Variants in ADGRL3 observed in about 807,000 individuals in gnomAD.
ADGRL3 encodes the protein adhesion G protein-coupled receptor L3, also known as calcium-independent alpha-latrotoxin receptor 3.
Under a neutral mutation model 153.5 loss-of-function variants are expected in ADGRL3, and 62 were observed. The ratio of observed to expected loss-of-function variants is 0.40; its 90% CI spans 0.33 to 0.50. The LOEUF (loss-of-function observed/expected upper bound fraction) is 0.50. ADGRL3 is among the 20% of genes least tolerant of loss of function. The pLI is 0.47. For synonymous variants in ADGRL3, 710 were observed against 672.5 expected (o/e 1.06, Z -0.86); for missense variants, 1,641 against 1,859.4 (o/e 0.88, Z 2.16).
chr4:61,205,416 G>T (rs900808776), intron 1 of ADGRL3, among the ~76,000 whole-genome samples: 1 of 152,084 alleles, frequency 6.6e-6, no homozygotes, highest in African/African-American at 2.4e-5. Context: ...AGAGTAGTTG[G>T]AATTTAAAAA....
intron 1 of ADGRL3, among the ~76,000 whole-genome samples, chr4:61,376,631 A>G (rs2096606203): frequency 1.3e-5 from 2 of 152,082 alleles, no homozygotes; most frequent in Admixed American, 6.6e-5. Flanking sequence ...CGTTTTCTAG[A>G]TGTCTGTTCA....
chr4:61,706,207 G>A (rs960551046), intron 6 of ADGRL3, among the ~76,000 whole-genome samples: 14 of 151,984 alleles, frequency 9.2e-5, no homozygotes, highest in South Asian at 4.2e-4. Flanking sequence ...GGATCACAAG[G>A]TCAGGAGTTC....
intron 2 of ADGRL3, among the ~76,000 whole-genome samples, chr4:61,486,222 G>C (rs939027200): frequency 1.3e-5 from 2 of 152,100 alleles, no homozygotes; most frequent in African/African-American, 4.8e-5. Flanking sequence ...GGGATTACAG[G>C]TGTGAGCCAC....
intron 1 of ADGRL3, among the ~76,000 whole-genome samples, chr4:61,277,979 G>A (rs1173082611): frequency 1.3e-5 from 2 of 152,138 alleles, no homozygotes. Flanking sequence ...TATACCTGCT[G>A]GGTAAACTCT....
intron 25 of ADGRL3, among the ~76,000 whole-genome samples, chr4:62,066,832 C>A (rs994957616): frequency 2.0e-5 from 3 of 152,060 alleles, no homozygotes; most frequent in Non-Finnish European, 4.4e-5. Context: ...GAGATTGCAG[C>A]AGACAGAATT....
At chr4:61,331,303 G>A (rs138658912) in intron 1 of ADGRL3, among the ~76,000 whole-genome samples, 175 of 152,218 alleles carry the variant, frequency 1.1e-3, no homozygotes, top group African/African-American at 3.5e-3. Flanking sequence ...GGTTATGTAG[G>A]AGATACGTCC....
intron 2 of ADGRL3, among the ~76,000 whole-genome samples, chr4:61,468,231 CTCTTAA>C (rs2097907529): frequency 6.6e-6 from 1 of 152,202 alleles, no homozygotes; most frequent in Non-Finnish European, 1.5e-5. Flanking sequence ...CTGCCACAGT[CTCTTAA>C]GCAATAATGC....
intron 5 of ADGRL3, among the ~76,000 whole-genome samples, chr4:61,646,675 T>C (rs1231750154): frequency 1.3e-5 from 2 of 152,100 alleles, no homozygotes; most frequent in African/African-American, 4.8e-5. Context: ...CACTGCCCTC[T>C]TCAAAGCTGT....
chr4:61,703,448 G>A (rs1283652386), intron 6 of ADGRL3, among the ~76,000 whole-genome samples: 5 of 152,056 alleles, frequency 3.3e-5, no homozygotes, highest in Admixed American at 3.3e-4. Context: ...GTTATGCTGA[G>A]AAATTAGTAT....
intron 5 of ADGRL3, among the ~76,000 whole-genome samples, chr4:61,661,568 A>T (rs535377902): frequency 1.3e-5 from 2 of 152,224 alleles, no homozygotes; most frequent in East Asian, 3.9e-4. Context: ...CGTTATAAGA[A>T]ATATTTATGA....
At chr4:61,742,821 T>G (rs943449392) in intron 8 of ADGRL3, among the ~76,000 whole-genome samples, 5 of 152,146 alleles carry the variant, frequency 3.3e-5, no homozygotes, top group African/African-American at 1.2e-4. Context: ...TGAAAACAAA[T>G]GGAGAACACT....
Position 61,676,878 on chromosome 4 carries a change from G to T in ADGRL3, c.526G>T (p.Asp176Tyr). 6.2e-7 allele frequency: 1 copy of T among 1,612,172 alleles called. No homozygotes were observed. The highest frequency in any genetic ancestry group is 1.3e-5 in the African/African-American group (1 of 74,900). ...AVVAGPDVFP[D>Y]PCPGTYKYLE... The stretch of plus-strand genomic sequence containing the variant: ...GGTGGCAGGTCCTGATGTTTTTCCA[G>T]ACCCGTGTCCAGGAACCTATAAATA... The change falls in exon 6 of 27, where the codon GAC becomes TAC. Residue 176 changes from aspartate to tyrosine, a missense_variant. Physicochemically the swap from Asp to Tyr is radical, Grantham distance 160. Coordinates refer to ENST00000683033, the MANE Select transcript of ADGRL3 (RefSeq NM_001387552.1).
chr4:61,369,966 A>T, intron 1 of ADGRL3, among the ~76,000 whole-genome samples: 1 of 152,010 alleles, frequency 6.6e-6, no homozygotes, highest in East Asian at 1.9e-4. Flanking sequence ...GGGAGAGTGT[A>T]TGTGTCAAGG....
intron 26 of ADGRL3, 108 bp from the exon 27 acceptor site, chr4:62,070,001 C>T: frequency 4.6e-6 from 4 of 872,896 alleles, no homozygotes; most frequent in South Asian, 1.7e-5. Context: ...TAAATGCTAG[C>T]AATTTATACA....
At chr4:61,646,323 G>A in intron 5 of ADGRL3, among the ~76,000 whole-genome samples, 1 of 152,114 alleles carries the variant, frequency 6.6e-6, no homozygotes, top group Admixed American at 6.5e-5. Flanking sequence ...TTTCGTTGCT[G>A]GTGAGGAACT....
intron 5 of ADGRL3, among the ~76,000 whole-genome samples, chr4:61,595,710 T>G (rs2098986259): frequency 6.6e-6 from 1 of 152,174 alleles, no homozygotes; most frequent in Non-Finnish European, 1.5e-5. Flanking sequence ...TCACTGGCTC[T>G]AAGCCTAGCC....
intron 2 of ADGRL3, among the ~76,000 whole-genome samples, chr4:61,424,145 T>C (rs1326678571): frequency 6.6e-6 from 1 of 152,072 alleles, no homozygotes; most frequent in Non-Finnish European, 1.5e-5. Flanking sequence ...TCCCTCACAG[T>C]GTCAGTGATA....
chr4:61,958,332 T>C (rs1230280292), intron 17 of ADGRL3, among the ~76,000 whole-genome samples: 1 of 152,194 alleles, frequency 6.6e-6, no homozygotes, highest in Non-Finnish European at 1.5e-5. Context: ...GTCTTCATTC[T>C]TGTTTCTAAT....
chr4:61,345,185 A>T (rs1163919217), intron 1 of ADGRL3, among the ~76,000 whole-genome samples: 1 of 152,098 alleles, frequency 6.6e-6, no homozygotes, highest in African/African-American at 2.4e-5. Context: ...CAATGTTATT[A>T]GTTATGGATT....
Sources: allele counts gnomAD v4.1 joint callset (sites outside exome capture counted in the v4.1 genomes callset), GRCh38; gene constraint gnomAD v4.1.1; transcripts MANE v1.5; gene names NCBI Gene and HGNC (gene_info 2026-07-23, HGNC 2026-07-21).